Variants in PDZRN4 observed in about 807,000 individuals in gnomAD.
The protein encoded by PDZRN4 is PDZ domain-containing RING finger protein 4.
Under a neutral mutation model 99.0 loss-of-function variants are expected in PDZRN4, and 70 were observed. That is an observed-to-expected ratio of 0.71 (90% confidence interval 0.58 to 0.86). The LOEUF (loss-of-function observed/expected upper bound fraction) is 0.86. Ranked by LOEUF, PDZRN4 falls within the 40% of genes least tolerant of loss-of-function variation. PDZRN4 has a pLI of 0.00. For missense variants in PDZRN4, 1,474 were observed against 1,331.2 expected (o/e 1.11, Z -1.67); for synonymous variants, 551 against 501.6 (o/e 1.10, Z -1.32).
intron 3 of PDZRN4, among the ~76,000 whole-genome samples, chr12:41,290,878 A>G (rs1340491055): frequency 6.6e-6 from 1 of 152,102 alleles, no homozygotes; most frequent in Non-Finnish European, 1.5e-5. Context: ...ACAATTTTCT[A>G]TGTCTAAGTA....
chr12:41,356,444 G>A (rs1240400309), intron 3 of PDZRN4, among the ~76,000 whole-genome samples: 2 of 151,872 alleles, frequency 1.3e-5, no homozygotes, highest in Non-Finnish European at 2.9e-5. Flanking sequence ...TATACTGAAG[G>A]CCTTAAGAAG....
rs1193345692 is a variant in PDZRN4, at chr12:41,204,631, A to T, written c.843+10443A>T. Among the ~76,000 whole-genome samples the T allele has an allele frequency of 2.0e-5, 3 of 152,014 alleles. No homozygotes were observed. The East Asian group carries it at 5.8e-4, about 29-fold the overall frequency. On this transcript the variant is annotated intron_variant, in intron 3 of 9. Coordinates refer to ENST00000402685, the MANE Select transcript of PDZRN4 (RefSeq NM_001164595.2). ...GCAGGAGGAACTACCAAACACTTATAAAACCATCAGATCCTGTGAGAACTC... is the reference window on the plus strand; with the variant it reads ...GCAGGAGGAACTACCAAACACTTATTAAACCATCAGATCCTGTGAGAACTC...
chr12:41,202,041 A>G (rs1223966944), intron 3 of PDZRN4, among the ~76,000 whole-genome samples: 1 of 152,168 alleles, frequency 6.6e-6, no homozygotes, highest in African/African-American at 2.4e-5. Flanking sequence ...AGAGAATGGC[A>G]CTGGACCAAT....
chr12:41,548,147 G>A (rs1938989812), intron 5 of PDZRN4, among the ~76,000 whole-genome samples: 2 of 152,058 alleles, frequency 1.3e-5, no homozygotes, highest in African/African-American at 4.8e-5. Flanking sequence ...GGAGTTGGAG[G>A]GTGCAAACCT....
intron 3 of PDZRN4, among the ~76,000 whole-genome samples, chr12:41,330,220 A>ATCAATCTGC (rs1951733889): frequency 6.6e-6 from 1 of 152,102 alleles, no homozygotes; most frequent in African/African-American, 2.4e-5. Context: ...TGAATGAGTT[A>ATCAATCTGC]AACCATTGAT....
In PDZRN4 at chr12:41,194,112, TTTAC is replaced by T; in HGVS notation, c.768_771del (p.Ile256MetfsTer6). The T allele has an allele frequency of 6.4e-7, 1 of 1,555,210 alleles. No individual in the cohort carries two copies. The highest frequency in any genetic ancestry group is 8.8e-7 in the Non-Finnish European group (1 of 1,139,530). ...CAGGAAGGAACATCGACTGAAGGAA[TTTAC>T]GTTTCAAAAATTTTAGAAAATGGAC... On this transcript the variant is annotated frameshift_variant, in exon 3 of 10. Transcript: ENST00000402685. LOFTEE classifies it high-confidence loss of function.
chr12:41,383,613 A>G (rs572256208), intron 3 of PDZRN4, among the ~76,000 whole-genome samples: 7 of 152,280 alleles, frequency 4.6e-5, no homozygotes, highest in Non-Finnish European at 8.8e-5. Flanking sequence ...CTCCTTTAAC[A>G]TGGATTCATA....
intron 3 of PDZRN4, among the ~76,000 whole-genome samples, chr12:41,267,650 G>A (rs1282979521): frequency 7.0e-6 from 1 of 143,012 alleles, no homozygotes; most frequent in Non-Finnish European, 1.5e-5. Context: ...CCAACATAAT[G>A]AAACCCCATC....
At chr12:41,521,667 C>T (rs1236321627) in intron 5 of PDZRN4, among the ~76,000 whole-genome samples, 1 of 152,042 alleles carries the variant, frequency 6.6e-6, no homozygotes, top group Non-Finnish European at 1.5e-5. Flanking sequence ...CCTGTCACAG[C>T]TAGTTAATGG....
intron 3 of PDZRN4, among the ~76,000 whole-genome samples, chr12:41,221,668 T>C (rs1950957039): frequency 6.6e-6 from 1 of 152,080 alleles, no homozygotes; most frequent in African/African-American, 2.4e-5. Flanking sequence ...CAACTGCTTC[T>C]AGATCGCAAG....
chr12:41,189,169 T>C, intron 1 of PDZRN4, 66 bp downstream of exon 1: 1 of 1,459,196 alleles, frequency 6.9e-7, no homozygotes, highest in Non-Finnish European at 9.3e-7. Context: ...CGGTTCTTTC[T>C]GACGCTTCAG....
chr12:41,504,935 C>A (rs10880084), intron 3 of PDZRN4, among the ~76,000 whole-genome samples: 7 of 152,110 alleles, frequency 4.6e-5, no homozygotes. Flanking sequence ...GGTGAAGAAG[C>A]TTAATTGCTC....
chr12:41,208,307 G>C (rs1405635143), intron 3 of PDZRN4, among the ~76,000 whole-genome samples: 1 of 151,912 alleles, frequency 6.6e-6, no homozygotes, highest in Non-Finnish European at 1.5e-5. Context: ...AATTTGAAGA[G>C]ATTTTGCTGC....
In PDZRN4 at chr12:41,563,617, A is replaced by C. The variant is rs753897793; in HGVS notation, c.1435A>C (p.Ile479Leu). 1 of 1,613,330 alleles carries C rather than the reference A, an allele frequency of 6.2e-7. No homozygotes were observed. The change falls in exon 8 of 10, where the codon ATC becomes CTC. Residue 479 changes from isoleucine (I) to leucine (L), a missense_variant. By Grantham distance (5) the Ile-to-Leu change is conservative. Coordinates refer to ENST00000402685, the MANE Select transcript of PDZRN4 (RefSeq NM_001164595.2). ...ALLSNDECKR[I>L]VLLVARPEIQ... is the part of the protein sequence containing the mutation. ...GCTGTCTAACGATGAGTGTAAGAGA[A>C]TCGTGCTGCTTGTTGCAAGGCCAGA...
At chr12:41,528,591 T>C (rs1451940251) in intron 5 of PDZRN4, among the ~76,000 whole-genome samples, 1 of 152,190 alleles carries the variant, frequency 6.6e-6, no homozygotes. Context: ...ACATGAGATA[T>C]TAGACAAACT....
At chr12:41,256,978 T>C (rs1284022881) in intron 3 of PDZRN4, among the ~76,000 whole-genome samples, 1 of 152,196 alleles carries the variant, frequency 6.6e-6, no homozygotes, top group East Asian at 1.9e-4. Flanking sequence ...TAAACATTTC[T>C]TGAACCTACT....
At chr12:41,374,596 A>G (rs1225582540) in intron 3 of PDZRN4, among the ~76,000 whole-genome samples, 1 of 152,158 alleles carries the variant, frequency 6.6e-6, no homozygotes. Flanking sequence ...AATGTTCAAC[A>G]GATATTTAGG....
At chr12:41,253,533 TGTTACTG>T (rs1397645655) in intron 3 of PDZRN4, among the ~76,000 whole-genome samples, 3 of 152,164 alleles carry the variant, frequency 2.0e-5, no homozygotes, top group Admixed American at 6.5e-5. Context: ...CCCCCATTAC[TGTTACTG>T]GGAATGTAAA....
At chr12:41,249,992 A>G (rs1377499266) in intron 3 of PDZRN4, among the ~76,000 whole-genome samples, 2 of 152,180 alleles carry the variant, frequency 1.3e-5, no homozygotes, top group Non-Finnish European at 2.9e-5. Context: ...TGAGATAGAA[A>G]TCTCAATTAA....
Sources: allele counts gnomAD v4.1 joint callset (sites outside exome capture counted in the v4.1 genomes callset), GRCh38; gene constraint gnomAD v4.1.1; transcripts MANE v1.5; gene names NCBI Gene and HGNC (gene_info 2026-07-23, HGNC 2026-07-21).